DST: variants seen among roughly 807,000 people sequenced by gnomAD.
DST encodes the protein bullous pemphigoid antigen.
Under a neutral mutation model 875.2 loss-of-function variants are expected in DST, and 253 were observed. The observed-to-expected ratio is 0.29, with a 90% CI of 0.26 to 0.32. The LOEUF (loss-of-function observed/expected upper bound fraction) is 0.32, where lower values mean the gene tolerates loss of function less well. Ranked by LOEUF, DST falls within the 10% of genes least tolerant of loss-of-function variation. The pLI, the probability that DST is intolerant of heterozygous loss-of-function variation, is 1.00. For synonymous variants in DST, 3,124 were observed against 3,197.1 expected (o/e 0.98, Z 0.77); for missense variants, 8,287 against 9,111.6 (o/e 0.91, Z 3.68).
chr6:56,618,432 GA>G (rs1272189256), intron 36 of DST: 13 of 1,614,014 alleles, frequency 8.1e-6, no homozygotes, highest in Non-Finnish European at 1.1e-5. Flanking sequence ...CTCTTTTTTT[GA>G]ATTTCACACT....
chr6:56,836,413 T>A (rs1301745764), intron 4 of DST, among the ~76,000 whole-genome samples: 1 of 152,212 alleles, frequency 6.6e-6, no homozygotes, highest in Non-Finnish European at 1.5e-5. Context: ...AAATGGTAGT[T>A]ACTGTTTTGC....
In DST at chr6:56,459,139, C is replaced by T; in HGVS notation, c.23323G>A (p.Val7775Met). ...ISEIQSVCSD[V>M]ETVPQTHRPT... ...CTGTGTGTCTGGGGGACAGTTTCCA[C>T]ATCTGAGCACACGGACTGGATTTCT... The change falls in exon 104 of 104, where the codon GTG (valine) becomes ATG (methionine). Residue 7775 changes from valine to methionine, a missense_variant. By Grantham distance (21) the Val-to-Met change is conservative (BLOSUM62 1). This residue lies in a region of DST where 240 missense variants were observed against 237.3 expected (regional missense o/e 1.01). Transcript: ENST00000680361. 5.0e-6 allele frequency: 8 copies of T among 1,613,336 alleles called. No homozygotes were observed. The South Asian group carries it at 6.6e-5, about 13-fold the overall frequency.
At chr6:56,738,628 T>C (rs2099535212) in intron 4 of DST, among the ~76,000 whole-genome samples, 1 of 151,100 alleles carries the variant, frequency 6.6e-6, no homozygotes, top group Non-Finnish European at 1.5e-5. Context: ...CCTGGTTTTA[T>C]CTTTGTTTTG....
chr6:56,506,923 G>C, intron 75 of DST, 134 bp from the exon 76 acceptor site: 1 of 951,308 alleles, frequency 1.1e-6, no homozygotes, highest in African/African-American at 1.7e-5. Flanking sequence ...CTAAGTTTCT[G>C]CAATAAATTT....
chr6:56,818,609 C>A (rs1246739461), intron 4 of DST, among the ~76,000 whole-genome samples: 2 of 152,102 alleles, frequency 1.3e-5, no homozygotes. Context: ...AATTGATTTT[C>A]CTTTTTAGTA....
intron 57 of DST, among the ~76,000 whole-genome samples, chr6:56,561,046 C>T (rs888194872): frequency 1.3e-5 from 2 of 152,226 alleles, no homozygotes; most frequent in African/African-American, 2.4e-5. Flanking sequence ...ACATCCTAGA[C>T]TTAAACTGAT....
At chr6:56,534,054 CTCA>C (rs1444764094) in intron 63 of DST, among the ~76,000 whole-genome samples, 1 of 152,108 alleles carries the variant, frequency 6.6e-6, no homozygotes, top group Non-Finnish European at 1.5e-5. Flanking sequence ...ACCTCACCTA[CTCA>C]TCATTTTTTT....
intron 49 of DST, among the ~76,000 whole-genome samples, chr6:56,589,618 GTC>G (rs1157244702): frequency 6.6e-6 from 1 of 152,238 alleles, no homozygotes; most frequent in African/African-American, 2.4e-5. Context: ...GACATTGTCA[GTC>G]AATGCAATCC....
chr6:56,577,090 G>C (rs1417019246), intron 50 of DST, among the ~76,000 whole-genome samples: 1 of 151,938 alleles, frequency 6.6e-6, no homozygotes, highest in Non-Finnish European at 1.5e-5. Context: ...TTTCTTAGAA[G>C]TCAGAAAGAT....
intron 72 of DST, among the ~76,000 whole-genome samples, chr6:56,514,312 C>T (rs1041612724): frequency 3.3e-5 from 5 of 152,146 alleles, no homozygotes; most frequent in African/African-American, 1.2e-4. Flanking sequence ...ATTCTACATA[C>T]TTGTCTTTCT....
chr6:56,471,832 A>C, intron 94 of DST: 1 of 567,532 alleles, frequency 1.8e-6, no homozygotes, highest in East Asian at 3.1e-5. Context: ...AAACATAATC[A>C]TTTTTTTTAC....
At chr6:56,479,494 A>G (rs1385531787) in intron 90 of DST, among the ~76,000 whole-genome samples, 1 of 151,228 alleles carries the variant, frequency 6.6e-6, no homozygotes, top group Admixed American at 6.7e-5. Context: ...TTCCAGCACT[A>G]TTCACAATAC....
At chr6:56,645,773 C>A in intron 15 of DST, 93 bp downstream of exon 15, 1 of 1,433,930 alleles carries the variant, frequency 7.0e-7, no homozygotes, top group Non-Finnish European at 9.5e-7. Context: ...TATCCAAGGC[C>A]AAGTAAACAG....
intron 4 of DST, among the ~76,000 whole-genome samples, chr6:56,829,730 A>AT (rs1210730921): frequency 6.6e-6 from 1 of 152,134 alleles, no homozygotes; most frequent in Non-Finnish European, 1.5e-5. Flanking sequence ...AAGACCATTA[A>AT]TTTTTTTATG....
chr6:56,836,098 T>C (rs2099793215), intron 4 of DST, among the ~76,000 whole-genome samples: 1 of 152,242 alleles, frequency 6.6e-6, no homozygotes, highest in Non-Finnish European at 1.5e-5. Context: ...TGAATAAAAG[T>C]AATATCTATA....
intron 2 of DST, among the ~76,000 whole-genome samples, chr6:56,953,028 T>A (rs1592915221): frequency 2.0e-5 from 3 of 152,366 alleles, no homozygotes; most frequent in African/African-American, 7.2e-5. Context: ...CGTTTAACTA[T>A]GAAGTCTTTG....
intron 69 of DST, among the ~76,000 whole-genome samples, chr6:56,519,058 G>A (rs1054377784): frequency 3.9e-5 from 6 of 152,088 alleles, no homozygotes; most frequent in African/African-American, 1.4e-4. Context: ...ATTCCACAAA[G>A]GGGAGAGAAG....
chr6:56,463,357 A>G (rs1412790471), intron 101 of DST, among the ~76,000 whole-genome samples: 1 of 152,246 alleles, frequency 6.6e-6, no homozygotes, highest in East Asian at 1.9e-4. Context: ...GAAGATCACA[A>G]AGGCTTCCTA....
chr6:56,735,556 T>C lies in DST; in HGVS notation c.626-267A>G, dbSNP rs73746932. ...TGCCCCTCTGTCCCATAACCCCTCATCACCACCACCACCACCATGAAGTTG... is the reference window on the plus strand; with the variant it reads ...TGCCCCTCTGTCCCATAACCCCTCACCACCACCACCACCACCATGAAGTTG... On this transcript the variant is annotated intron_variant, in intron 4 of 103. Coordinates refer to ENST00000680361, the MANE Select transcript of DST (RefSeq NM_001374736.1). Among the ~76,000 whole-genome samples the C allele has an allele frequency of 6.3e-3, 960 of 151,260 alleles. 7 individuals carry two copies. The highest frequency in any genetic ancestry group is 0.021 in the African/African-American group (865 of 40,894).
Sources: allele counts gnomAD v4.1 joint callset (sites outside exome capture counted in the v4.1 genomes callset), GRCh38; gene constraint gnomAD v4.1.1; regional missense constraint gnomAD v4.1.1; transcripts MANE v1.5; gene names NCBI Gene and HGNC (gene_info 2026-07-23, HGNC 2026-07-21).